FHIT: variants seen among roughly 807,000 people sequenced by gnomAD.
FHIT encodes the protein fragile histidine triad diadenosine triphosphatase.
In FHIT, 19 loss-of-function variants were observed where a neutral mutation model predicts 17.9. The observed-to-expected ratio is 1.06, with a 90% confidence interval of 0.74 to 1.56. FHIT has a LOEUF of 1.56. Ranked by LOEUF, FHIT falls within the 40% of genes most tolerant of loss-of-function variation. FHIT has a pLI of 0.00. For missense variants in FHIT, 248 were observed against 189.2 expected (o/e 1.31, Z -1.82); for synonymous variants, 81 against 69.7 (o/e 1.16, Z -0.81).
At chr3:60,417,875 A>C (rs543785488) in intron 5 of FHIT, among the ~76,000 whole-genome samples, 1 of 152,272 alleles carries the variant, frequency 6.6e-6, no homozygotes, top group African/African-American at 2.4e-5. Context: ...CTTCATTTAC[A>C]TGTTTGTCTC....
At chr3:59,933,607 T>C (rs1706080298) in intron 7 of FHIT, among the ~76,000 whole-genome samples, 1 of 152,168 alleles carries the variant, frequency 6.6e-6, no homozygotes, top group Non-Finnish European at 1.5e-5. Context: ...TATTTTGCTA[T>C]GCTCCTTCCT....
chr3:59,854,833 C>T (rs1185144718), intron 8 of FHIT, among the ~76,000 whole-genome samples: 1 of 152,124 alleles, frequency 6.6e-6, no homozygotes, highest in Non-Finnish European at 1.5e-5. Context: ...TGCCCTGAGG[C>T]CTTTGGTATT....
At chr3:60,581,372 T>C (rs1282286834) in intron 4 of FHIT, among the ~76,000 whole-genome samples, 1 of 152,140 alleles carries the variant, frequency 6.6e-6, no homozygotes, top group Non-Finnish European at 1.5e-5. Context: ...TCTTGACCTC[T>C]ATCATATGCT....
At chr3:60,851,885 T>C (rs1257034621) in intron 3 of FHIT, among the ~76,000 whole-genome samples, 1 of 152,122 alleles carries the variant, frequency 6.6e-6, no homozygotes, top group African/African-American at 2.4e-5. Flanking sequence ...AAAGTAGCCT[T>C]GATATAAATC....
At chr3:61,102,164 C>G (rs370830547) in intron 2 of FHIT, among the ~76,000 whole-genome samples, 12 of 152,124 alleles carry the variant, frequency 7.9e-5, no homozygotes, top group Non-Finnish European at 1.5e-4. Flanking sequence ...CAGTTTTTAT[C>G]CATTCAGTAT....
At chr3:59,832,799 C>T (rs1399103154) in intron 8 of FHIT, among the ~76,000 whole-genome samples, 1 of 152,160 alleles carries the variant, frequency 6.6e-6, no homozygotes, top group Non-Finnish European at 1.5e-5. Context: ...TCTGGGGATG[C>T]TAGGGGCTAT....
rs570065597 is a variant in FHIT at position 60,634,084 on chromosome 3, T to TCC, written c.-17-97107_-17-97106dup. The stretch of plus-strand genomic sequence containing the variant: ...CCTGTTTCACGTTTGTGGGTGGACA[T>TCC]CCAATTGGCACAGTGACCTTGGCCA... On this transcript the variant is annotated intron_variant, in intron 4 of 9. Coordinates refer to ENST00000492590, the MANE Select transcript of FHIT (RefSeq NM_002012.4). 1.6e-3 allele frequency among the ~76,000 whole-genome samples: 249 copies of TCC among 152,296 alleles called. 1 individual carries two copies. Among genetic ancestry groups the TCC allele is most frequent in the African/African-American group, 5.8e-3 (243 of 41,568 alleles).
intron 4 of FHIT, among the ~76,000 whole-genome samples, chr3:60,577,696 CT>C: frequency 6.6e-6 from 1 of 152,142 alleles, no homozygotes; most frequent in African/African-American, 2.4e-5. Context: ...GGTTGGAAGT[CT>C]TTTTTATTTC....
At chr3:61,184,137 C>T (rs943627794) in intron 2 of FHIT, among the ~76,000 whole-genome samples, 2 of 152,080 alleles carry the variant, frequency 1.3e-5, no homozygotes, top group African/African-American at 4.8e-5. Context: ...AGTGTCTCTA[C>T]CCAGGAGATA....
At chr3:61,028,038 A>G (rs1205708407) in intron 3 of FHIT, among the ~76,000 whole-genome samples, 1 of 152,224 alleles carries the variant, frequency 6.6e-6, no homozygotes, top group Non-Finnish European at 1.5e-5. Flanking sequence ...GAAGCTCTTA[A>G]GCAGAGCCCT....
At chr3:61,118,605 G>A (rs973397257) in intron 2 of FHIT, among the ~76,000 whole-genome samples, 2 of 152,118 alleles carry the variant, frequency 1.3e-5, no homozygotes, top group African/African-American at 4.8e-5. Flanking sequence ...TGTGGGCCCT[G>A]GCTCCAGATT....
chr3:60,513,373 CACTT>C (rs1171770802), intron 5 of FHIT, among the ~76,000 whole-genome samples: 2 of 152,190 alleles, frequency 1.3e-5, no homozygotes, highest in African/African-American at 4.8e-5. Context: ...CTCAATTTCT[CACTT>C]ACAGTAAAAA....
chr3:60,295,858 T>C (rs1708181432), intron 5 of FHIT, among the ~76,000 whole-genome samples: 2 of 152,232 alleles, frequency 1.3e-5, no homozygotes, highest in African/African-American at 4.8e-5. Flanking sequence ...GAGGGTGATA[T>C]GGTTTGGCTG....
At chr3:60,176,446 T>C (rs1701674465) in intron 5 of FHIT, among the ~76,000 whole-genome samples, 1 of 152,160 alleles carries the variant, frequency 6.6e-6, no homozygotes, top group Non-Finnish European at 1.5e-5. Flanking sequence ...ATAGAAATAC[T>C]CTCTAGCATA....
chr3:60,167,786 G>A (rs1372963089), intron 5 of FHIT, among the ~76,000 whole-genome samples: 2 of 152,148 alleles, frequency 1.3e-5, no homozygotes, highest in Admixed American at 6.5e-5. Context: ...TGTAATCCCA[G>A]CACTTTGGGA....
chr3:60,471,754 G>A (rs1003174039), intron 5 of FHIT, among the ~76,000 whole-genome samples: 1 of 152,122 alleles, frequency 6.6e-6, no homozygotes, highest in Middle Eastern at 3.4e-3. Flanking sequence ...TTTCTGCCGG[G>A]GAACAACCAC....
intron 5 of FHIT, among the ~76,000 whole-genome samples, chr3:60,068,552 T>C (rs1260662426): frequency 6.6e-6 from 1 of 152,170 alleles, no homozygotes; most frequent in Non-Finnish European, 1.5e-5. Context: ...AGGGAAGTGG[T>C]AGAAACCCCA....
rs566918010 is a variant in FHIT at position 59,981,635 on chromosome 3, C to T, written c.279+29736G>A. Among the ~76,000 whole-genome samples, 8 of 152,194 alleles carry T rather than the reference C, an allele frequency of 5.3e-5. No homozygotes were observed. In the South Asian group the frequency reaches 1.5e-3, roughly 28 times the overall value. On this transcript the variant is annotated intron_variant, in intron 7 of 9. Coordinates refer to ENST00000492590, the MANE Select transcript of FHIT (RefSeq NM_002012.4). ...CTCAGCCTCAGAGTAAAGAACATACCACGGTGCCCGCACATTAACGCAGAG... is the reference window on the plus strand; with the variant it reads ...CTCAGCCTCAGAGTAAAGAACATACTACGGTGCCCGCACATTAACGCAGAG...
chr3:60,580,161 C>T (rs1326315016), intron 4 of FHIT, among the ~76,000 whole-genome samples: 1 of 152,034 alleles, frequency 6.6e-6, no homozygotes, highest in Non-Finnish European at 1.5e-5. Context: ...AAATTTCAAG[C>T]AAAACCTATA....
Sources: allele counts gnomAD v4.1 joint callset (sites outside exome capture counted in the v4.1 genomes callset), GRCh38; gene constraint gnomAD v4.1.1; transcripts MANE v1.5; gene names NCBI Gene and HGNC (gene_info 2026-07-23, HGNC 2026-07-21).